The following OTOGL variants were observed in gnomAD, a reference collection of about 807,000 sequenced individuals.
OTOGL encodes the protein otogelin like, also known as otogelin-like protein.
In OTOGL, 285 loss-of-function variants were observed where a neutral mutation model predicts 318.5. The ratio of observed to expected loss-of-function variants is 0.89; its 90% CI spans 0.81 to 0.99. The LOEUF is 0.99. Ranked by LOEUF, OTOGL falls within the 50% of genes least tolerant of loss-of-function variation. The pLI is 0.00. For missense variants in OTOGL, 2,899 were observed against 2,845.6 expected (o/e 1.02, Z -0.43); for synonymous variants, 987 against 936.5 (o/e 1.05, Z -0.99).
chr12:80,112,593 C>A (rs1172539324), intron 1 of OTOGL, among the ~76,000 whole-genome samples: 1 of 152,026 alleles, frequency 6.6e-6, no homozygotes, highest in Non-Finnish European at 1.5e-5. Context: ...AGGGGTGAAG[C>A]CAACTTTATT....
At chr12:80,208,453 T>C (rs556934357) in intron 1 of OTOGL, among the ~76,000 whole-genome samples, 1 of 152,348 alleles carries the variant, frequency 6.6e-6, no homozygotes, top group East Asian at 1.9e-4. Flanking sequence ...TACTGCACAC[T>C]GGTCTGTTAA....
Position 80,155,111 on chromosome 12 carries a change from G to C in OTOGL, c.-19-54302G>C, listed in dbSNP as rs7965086. ...TGAGGTGTTCCTTAAGGTCTTTGGC[G>C]CATTTATAATTGAGTTGTTTGTTTT... On this transcript the variant is annotated intron_variant, in intron 1 of 58. Transcript: ENST00000547103. Among the ~76,000 whole-genome samples, 1,005 of 152,116 alleles carry C rather than the reference G, an allele frequency of 6.6e-3. 15 individuals carry two copies. Among genetic ancestry groups the C allele is most frequent in the African/African-American group, 0.021 (889 of 41,514 alleles).
At chr12:80,359,944 A>T (rs1209867759) in intron 52 of OTOGL, among the ~76,000 whole-genome samples, 1 of 152,224 alleles carries the variant, frequency 6.6e-6, no homozygotes, top group Non-Finnish European at 1.5e-5. Flanking sequence ...GTCTAAGGGA[A>T]TAAATTATTG....
chr12:80,213,122 A>G (rs1416299925), intron 4 of OTOGL, among the ~76,000 whole-genome samples: 1 of 152,226 alleles, frequency 6.6e-6, no homozygotes, highest in Non-Finnish European at 1.5e-5. Context: ...ATTTCTGACC[A>G]TATGCTAAAC....
At chr12:80,232,441 T>G (rs1051028372) in intron 8 of OTOGL, among the ~76,000 whole-genome samples, 2 of 152,222 alleles carry the variant, frequency 1.3e-5, no homozygotes, top group Non-Finnish European at 2.9e-5. Context: ...AACTCAAGCA[T>G]CATGTTTGTA....
At chr12:80,150,337 A>G (rs1872709471) in intron 1 of OTOGL, among the ~76,000 whole-genome samples, 1 of 152,238 alleles carries the variant, frequency 6.6e-6, no homozygotes, top group Non-Finnish European at 1.5e-5. Context: ...CTTGCTGAAC[A>G]TAATGTAATT....
chr12:80,277,103 T>A (rs1883865958), intron 24 of OTOGL, among the ~76,000 whole-genome samples: 1 of 148,984 alleles, frequency 6.7e-6, no homozygotes, highest in African/African-American at 2.4e-5. Context: ...TTAATTTTTA[T>A]TTATTTATTA....
At chr12:80,105,943 C>T (rs1463070268) in intron 1 of OTOGL, among the ~76,000 whole-genome samples, 2 of 152,156 alleles carry the variant, frequency 1.3e-5, no homozygotes, top group Non-Finnish European at 2.9e-5. Flanking sequence ...CGGATAAAAA[C>T]GTTTCCATAA....
intron 29 of OTOGL, among the ~76,000 whole-genome samples, chr12:80,308,353 C>T (rs1886371951): frequency 6.6e-6 from 1 of 151,150 alleles, no homozygotes; most frequent in African/African-American, 2.4e-5. Flanking sequence ...CAGAGACGCT[C>T]CTCACATCCC....
At chr12:80,322,489 A>G (rs1020808178) in intron 34 of OTOGL, among the ~76,000 whole-genome samples, 2 of 152,224 alleles carry the variant, frequency 1.3e-5, no homozygotes. Context: ...TGAGACGAGT[A>G]ACTCAAGTTC....
intron 9 of OTOGL, among the ~76,000 whole-genome samples, chr12:80,233,875 T>C (rs1466627939): frequency 1.3e-5 from 2 of 152,200 alleles, no homozygotes; most frequent in African/African-American, 4.8e-5. Flanking sequence ...TTATGCTTAG[T>C]TTCTTCAGCT....
chr12:80,366,511 T>TTTTATATATATATATATATA (rs1555304841), intron 52 of OTOGL, 63 bp from the exon 53 acceptor site: 2 of 176,348 alleles, frequency 1.1e-5, no homozygotes, highest in Non-Finnish European at 2.1e-5. Context: ...TATATATAGG[T>TTTTATATATATATATATATA]TATATATATA....
intron 1 of OTOGL, among the ~76,000 whole-genome samples, chr12:80,200,800 G>T (rs921135049): frequency 2.0e-5 from 3 of 152,112 alleles, no homozygotes; most frequent in Non-Finnish European, 2.9e-5. Flanking sequence ...ATTATAATGT[G>T]TGTCATGCCC....
At chr12:80,366,147 C>A in intron 52 of OTOGL, 2 of 204,908 alleles carry the variant, frequency 9.8e-6, no homozygotes, top group Non-Finnish European at 2.1e-5. Flanking sequence ...AAGTAATGTG[C>A]CCTAAATCAA....
At chr12:80,328,937 C>A in intron 36 of OTOGL, 114 bp from the exon 37 acceptor site, 1 of 1,103,672 alleles carries the variant, frequency 9.1e-7, no homozygotes, top group African/African-American at 1.6e-5. Flanking sequence ...AACATCTCTC[C>A]TGCATTCTTT....
At chr12:80,171,972 C>A (rs1294909838) in intron 1 of OTOGL, among the ~76,000 whole-genome samples, 2 of 152,056 alleles carry the variant, frequency 1.3e-5, no homozygotes, top group Non-Finnish European at 2.9e-5. Flanking sequence ...GACCTTTCTT[C>A]TTTTCCAAGA....
At chr12:80,260,954 G>A (rs188762685) in intron 18 of OTOGL, among the ~76,000 whole-genome samples, 2 of 152,218 alleles carry the variant, frequency 1.3e-5, no homozygotes, top group Admixed American at 6.5e-5. Flanking sequence ...ATGAGATTTT[G>A]TACTAGGGTG....
intron 1 of OTOGL, among the ~76,000 whole-genome samples, chr12:80,140,872 A>C (rs970384959): frequency 6.6e-6 from 1 of 152,150 alleles, no homozygotes; most frequent in African/African-American, 2.4e-5. Flanking sequence ...GACATCAGTA[A>C]TTTTTAGTAA....
intron 1 of OTOGL, among the ~76,000 whole-genome samples, chr12:80,145,844 A>G (rs1872315022): frequency 6.6e-6 from 1 of 151,714 alleles, no homozygotes; most frequent in Admixed American, 6.6e-5. Flanking sequence ...TTCACTCATG[A>G]TTTGGCTCTC....
Sources: gnomAD v4.1 joint callset for allele counts (sites outside exome capture counted in the v4.1 genomes callset) on GRCh38, gnomAD v4.1.1 for gene constraint, MANE v1.5 for transcripts, NCBI Gene and HGNC (gene_info 2026-07-23, HGNC 2026-07-21) for gene names.